The following CALN1 variants were observed in gnomAD, a reference collection of about 807,000 sequenced individuals.
The protein encoded by CALN1 is calcium-binding protein 8.
In CALN1, 17 loss-of-function variants were observed where a neutral mutation model predicts 30.6. That is an observed-to-expected ratio of 0.56 (90% CI 0.38 to 0.83). The LOEUF (loss-of-function observed/expected upper bound fraction) is 0.83, where lower values mean the gene tolerates loss of function less well. CALN1 is among the 40% of genes least tolerant of loss of function. The pLI, the probability that CALN1 is intolerant of heterozygous loss-of-function variation, is 0.00. For missense variants in CALN1, 291 were observed against 354.9 expected (o/e 0.82, Z 1.45); for synonymous variants, 156 against 131.4 (o/e 1.19, Z -1.28).
intron 1 of CALN1, among the ~76,000 whole-genome samples, chr7:72,403,757 A>G (rs1806513157): frequency 1.3e-5 from 2 of 152,180 alleles, no homozygotes; most frequent in African/African-American, 4.8e-5. Flanking sequence ...AGAAAGCTAT[A>G]GCCGCCAAAG....
chr7:72,478,261 A>C, the CALN1 span, among the ~76,000 whole-genome samples: 1 of 147,788 alleles, frequency 6.8e-6, no homozygotes, highest in Non-Finnish European at 1.5e-5. Context: ...TATTATATAT[A>C]TTGCCACTGC....
intron 5 of CALN1, among the ~76,000 whole-genome samples, chr7:71,961,433 G>C (rs1797242354): frequency 6.6e-6 from 1 of 152,152 alleles, no homozygotes; most frequent in African/African-American, 2.4e-5. Context: ...AATGTTACCT[G>C]TATTTCCCCC....
chr7:72,397,325 T>G (rs1585657061), intron 2 of CALN1, among the ~76,000 whole-genome samples: 1 of 151,930 alleles, frequency 6.6e-6, no homozygotes, highest in African/African-American at 2.4e-5. Context: ...ACCCAGAGGG[T>G]CCACATTCTA....
At position 72,319,171 on chromosome 7, in the gene CALN1, G is replaced by T. The variant is rs563665867; in HGVS notation, c.120-40361C>A. Among the ~76,000 whole-genome samples the T allele has an allele frequency of 7.2e-5, 11 of 152,312 alleles. No individual in the cohort carries two copies. In the South Asian group the frequency reaches 2.1e-3, roughly 29 times the overall value. The stretch of plus-strand genomic sequence containing the variant: ...TCGAGGACTGGATAAAGAAAATGTG[G>T]TATAGACATATATATTCTGTATTAT... On this transcript the variant is annotated intron_variant, in intron 2 of 6. Transcript: ENST00000395275.
rs151162659 is a variant in CALN1, at chr7:72,110,604, C to T, written c.245-4310G>A. On this transcript the variant is annotated intron_variant, in intron 3 of 6. Coordinates refer to ENST00000395275, the MANE Select transcript of CALN1 (RefSeq NM_031468.4). Reference sequence around the variant, plus strand: ...CCACGTAGAGAATTCGTGTGTGTGTCTATGTGAGTGTGTGTGTCTGTCTGT... The same window carrying T: ...CCACGTAGAGAATTCGTGTGTGTGTTTATGTGAGTGTGTGTGTCTGTCTGT... Among the ~76,000 whole-genome samples the T allele has an allele frequency of 5.3e-3, 792 of 150,580 alleles. 8 individuals carry two copies. The highest frequency in any genetic ancestry group is 8.5e-3 in the Admixed American group (129 of 15,090).
At chr7:72,413,251 C>G (rs1039083599), upstream of CALN1, among the ~76,000 whole-genome samples, 1 of 151,546 alleles carries the variant, frequency 6.6e-6, no homozygotes, top group Admixed American at 6.6e-5. Flanking sequence ...ACCACACATA[C>G]ACACATATAC....
At chr7:71,917,716 T>G (rs1292555881) in intron 5 of CALN1, among the ~76,000 whole-genome samples, 2 of 108,812 alleles carry the variant, frequency 1.8e-5, no homozygotes, top group African/African-American at 6.0e-5. Flanking sequence ...CACTCATTTT[T>G]ATGAGAACAG....
intron 3 of CALN1, among the ~76,000 whole-genome samples, chr7:72,126,540 T>C (rs1808776871): frequency 6.6e-6 from 1 of 152,142 alleles, no homozygotes; most frequent in Non-Finnish European, 1.5e-5. Flanking sequence ...ATTTCTGAGA[T>C]TCTGGTGCAC....
chr7:72,282,416 T>G (rs933170875), intron 2 of CALN1, among the ~76,000 whole-genome samples: 7 of 152,236 alleles, frequency 4.6e-5, no homozygotes, highest in African/African-American at 1.4e-4. Flanking sequence ...ATTCATACAC[T>G]GGAATCTAAG....
intron 2 of CALN1, among the ~76,000 whole-genome samples, chr7:72,300,243 G>C (rs1212995956): frequency 6.6e-6 from 1 of 151,956 alleles, no homozygotes; most frequent in Non-Finnish European, 1.5e-5. Flanking sequence ...CATAGCAATT[G>C]AAACAACAGT....
At chr7:72,431,843 T>G (rs1585722300) in intron 1 of CALN1, among the ~76,000 whole-genome samples, 1 of 99,668 alleles carries the variant, frequency 1.0e-5, no homozygotes, top group Non-Finnish European at 2.2e-5. Context: ...AGACCTCATC[T>G]CCAAAAAAAA....
the CALN1 span, among the ~76,000 whole-genome samples, chr7:72,487,890 AAAAGAAAGAAAG>A: frequency 1.7e-5 from 1 of 60,298 alleles, no homozygotes; most frequent in African/African-American, 8.5e-5. Flanking sequence ...GAAAGAAAAG[AAAAGAAAGAAAG>A]AAAGAAAGAA....
the CALN1 span, among the ~76,000 whole-genome samples, chr7:72,496,318 C>T: frequency 2.0e-5 from 3 of 152,274 alleles, no homozygotes; most frequent in South Asian, 2.1e-4. Context: ...GTACACATCA[C>T]TACTTTATTT....
At chr7:72,336,107 G>A (rs770588333) in intron 2 of CALN1, among the ~76,000 whole-genome samples, 1 of 152,194 alleles carries the variant, frequency 6.6e-6, no homozygotes, top group African/African-American at 2.4e-5. Context: ...CTTGCACCCT[G>A]GCGCCCCCGG....
At chr7:72,407,113 A>G (rs1806749135) in intron 1 of CALN1, among the ~76,000 whole-genome samples, 1 of 152,208 alleles carries the variant, frequency 6.6e-6, no homozygotes, top group Non-Finnish European at 1.5e-5. Flanking sequence ...CACAATATGC[A>G]GAGAATGGTG....
chr7:72,172,562 T>C (rs1396954525), intron 3 of CALN1, among the ~76,000 whole-genome samples: 1 of 152,244 alleles, frequency 6.6e-6, no homozygotes, highest in East Asian at 1.9e-4. Flanking sequence ...ACCAGTCATC[T>C]ACAGAAATAT....
chr7:72,351,304 A>T (rs1338710362), intron 2 of CALN1, among the ~76,000 whole-genome samples: 1 of 152,072 alleles, frequency 6.6e-6, no homozygotes, highest in Non-Finnish European at 1.5e-5. Context: ...GGAGTTCAAG[A>T]CCAGCCTTGG....
intron 3 of CALN1, among the ~76,000 whole-genome samples, 172 bp downstream of exon 3, chr7:72,278,514 C>T (rs1047406123): frequency 1.4e-5 from 2 of 145,044 alleles, no homozygotes; most frequent in Admixed American, 1.4e-4. Context: ...CACACACACA[C>T]GTCACTTGGG....
At chr7:72,392,117 G>A (rs1346920599) in intron 2 of CALN1, among the ~76,000 whole-genome samples, 1 of 152,174 alleles carries the variant, frequency 6.6e-6, no homozygotes, top group East Asian at 1.9e-4. Flanking sequence ...ATACCAAGCT[G>A]TCAGAACACA....
Sources: allele counts gnomAD v4.1 joint callset (sites outside exome capture counted in the v4.1 genomes callset), GRCh38; gene constraint gnomAD v4.1.1; transcripts MANE v1.5; gene names NCBI Gene and HGNC (gene_info 2026-07-23, HGNC 2026-07-21).